Variants in EPHB1 observed in about 807,000 individuals in gnomAD.
EPHB1 encodes EPH receptor B1.
In EPHB1, 30 loss-of-function variants were observed where a neutral mutation model predicts 94.4. The observed-to-expected ratio is 0.32, with a 90% CI of 0.24 to 0.43. The LOEUF (loss-of-function observed/expected upper bound fraction) is 0.43. Among genes scored for constraint, EPHB1 ranks in the 20% least tolerant of loss-of-function variants. The probability of loss-of-function intolerance (pLI) is 1.00; values close to 1 mark genes in which losing one functional copy is unlikely to be tolerated. For missense variants in EPHB1, 1,055 were observed against 1,308.3 expected (o/e 0.81, Z 2.99); for synonymous variants, 522 against 489.1 (o/e 1.07, Z -0.89).
intron 3 of EPHB1, among the ~76,000 whole-genome samples, chr3:134,966,053 G>C (rs756376967): frequency 6.6e-6 from 1 of 152,198 alleles, no homozygotes; most frequent in Non-Finnish European, 1.5e-5. Context: ...GCTGTGTGCT[G>C]TTTGCCAACA....
intron 3 of EPHB1, among the ~76,000 whole-genome samples, chr3:134,989,917 G>A (rs1934736197): frequency 6.6e-6 from 1 of 152,062 alleles, no homozygotes; most frequent in Admixed American, 6.5e-5. Flanking sequence ...GAGGAAGTTG[G>A]TATACTTGAC....
At chr3:135,083,539 A>G (rs1452221987) in intron 3 of EPHB1, among the ~76,000 whole-genome samples, 2 of 151,892 alleles carry the variant, frequency 1.3e-5, no homozygotes, top group East Asian at 3.9e-4. Context: ...GGATGAAGGC[A>G]TTAGGGCAAG....
intron 5 of EPHB1, among the ~76,000 whole-genome samples, chr3:135,134,146 G>C (rs1171649790): frequency 1.3e-5 from 2 of 152,202 alleles, no homozygotes; most frequent in African/African-American, 4.8e-5. Flanking sequence ...ACAGGCAATG[G>C]GGGTCATAGG....
chr3:135,063,626 C>G (rs906118848), intron 3 of EPHB1, among the ~76,000 whole-genome samples: 1 of 152,118 alleles, frequency 6.6e-6, no homozygotes, highest in East Asian at 1.9e-4. Context: ...ATAATTGTAT[C>G]ATCAGCAAAC....
chr3:135,098,009 G>A (rs188392536), intron 3 of EPHB1, among the ~76,000 whole-genome samples: 21 of 152,136 alleles, frequency 1.4e-4, no homozygotes, highest in African/African-American at 3.6e-4. Context: ...CCCTGTGCAC[G>A]AACCACCTCC....
intron 3 of EPHB1, among the ~76,000 whole-genome samples, chr3:134,953,722 A>T (rs899552491): frequency 2.0e-5 from 3 of 152,202 alleles, no homozygotes; most frequent in African/African-American, 7.2e-5. Context: ...GAATGGCAGG[A>T]ACCAGAGCAA....
At chr3:135,188,236 CCTGT>C (rs1942379715) in intron 10 of EPHB1, among the ~76,000 whole-genome samples, 1 of 150,802 alleles carries the variant, frequency 6.6e-6, no homozygotes, top group Non-Finnish European at 1.5e-5. Flanking sequence ...ATGGTTCACA[CCTGT>C]AATCCCAGCA....
At chr3:134,866,407 A>G (rs902064943) in intron 1 of EPHB1, among the ~76,000 whole-genome samples, 1 of 152,088 alleles carries the variant, frequency 6.6e-6, no homozygotes, top group African/African-American at 2.4e-5. Context: ...AGGGTCCAAG[A>G]CTCCAGAAAG....
At chr3:135,200,173 G>A (rs1265970574) in intron 11 of EPHB1, among the ~76,000 whole-genome samples, 1 of 152,206 alleles carries the variant, frequency 6.6e-6, no homozygotes, top group Non-Finnish European at 1.5e-5. Flanking sequence ...GGGAAAATAT[G>A]TTCTTGGCAG....
At chr3:134,857,014 G>T (rs765018157) in intron 1 of EPHB1, among the ~76,000 whole-genome samples, 1 of 152,208 alleles carries the variant, frequency 6.6e-6, no homozygotes, top group South Asian at 2.1e-4. Flanking sequence ...CCTTCCAGAG[G>T]CAGTGTTTAG....
At chr3:135,058,953 A>G (rs1474393209) in intron 3 of EPHB1, among the ~76,000 whole-genome samples, 2 of 152,248 alleles carry the variant, frequency 1.3e-5, no homozygotes, top group South Asian at 2.1e-4. Flanking sequence ...AGAACACTCA[A>G]TGACACCTCA....
rs1325503408 is a variant in EPHB1 at position 135,260,228 on chromosome 3, G to C, written c.*1108G>C. The stretch of plus-strand genomic sequence containing the variant: ...ATCACTGGAATCTGCAATTCAAGAA[G>C]TGACAAGGGAGAATTCTTGCTTTAC... On this transcript the variant is annotated 3_prime_UTR_variant, in exon 16 of 16. Transcript: ENST00000398015. 1 of 233,036 alleles carries C rather than the reference G, an allele frequency of 4.3e-6. No homozygotes were observed. Among genetic ancestry groups the C allele is most frequent in the East Asian group, 6.1e-5 (1 of 16,490 alleles). 14.4% of individuals were successfully genotyped at this position (233,036 alleles called of 1,614,324 possible). A position where few individuals can be genotyped will look rare whatever the true frequency, so the allele number is the denominator to read the frequency against.
chr3:134,850,678 C>T (rs1029274273), intron 1 of EPHB1, among the ~76,000 whole-genome samples: 1 of 152,186 alleles, frequency 6.6e-6, no homozygotes, highest in Non-Finnish European at 1.5e-5. Flanking sequence ...TTCATGCCAG[C>T]CCCAGAAGGC....
chr3:134,882,983 T>C (rs777401871), intron 1 of EPHB1, among the ~76,000 whole-genome samples: 6 of 151,928 alleles, frequency 3.9e-5, no homozygotes, highest in Non-Finnish European at 8.8e-5. Flanking sequence ...CCACCATGTC[T>C]GGCTAATTTT....
chr3:134,878,429 A>G lies in EPHB1; in HGVS notation c.59-47387A>G, dbSNP rs373220177. 4.2e-4 allele frequency among the ~76,000 whole-genome samples: 64 copies of G among 152,304 alleles called. 2 individuals carry two copies. In the South Asian group the frequency reaches 0.013, roughly 30 times the overall value. On this transcript the variant is annotated intron_variant, in intron 1 of 15. Coordinates refer to ENST00000398015, the MANE Select transcript of EPHB1 (RefSeq NM_004441.5). ...CTTTGAATTAGAAACCCTACTGACT[A>G]TTGATAGAGGAGACTGGCTGAAGAG...
At chr3:134,886,070 CAGTTAA>C (rs1388809029) in intron 1 of EPHB1, among the ~76,000 whole-genome samples, 1 of 152,124 alleles carries the variant, frequency 6.6e-6, no homozygotes, top group Non-Finnish European at 1.5e-5. Flanking sequence ...GACTCAGCAG[CAGTTAA>C]AGTTAGTTAC....
At chr3:134,932,987 T>C (rs901659700) in intron 2 of EPHB1, among the ~76,000 whole-genome samples, 1 of 152,206 alleles carries the variant, frequency 6.6e-6, no homozygotes, top group Non-Finnish European at 1.5e-5. Flanking sequence ...GCTATTCTCA[T>C]TCTATGCTTT....
chr3:134,818,637 C>T (rs943194587), intron 1 of EPHB1, among the ~76,000 whole-genome samples: 4 of 152,206 alleles, frequency 2.6e-5, no homozygotes, highest in Admixed American at 2.0e-4. Flanking sequence ...TCCTGAGTTA[C>T]TTCACTTAGA....
chr3:135,038,148 A>G (rs954574566), intron 3 of EPHB1, among the ~76,000 whole-genome samples: 1 of 152,214 alleles, frequency 6.6e-6, no homozygotes, highest in Admixed American at 6.5e-5. Context: ...CCACTGGGGT[A>G]GCCTCCCTAA....
Sources: allele counts gnomAD v4.1 joint callset (sites outside exome capture counted in the v4.1 genomes callset), GRCh38; gene constraint gnomAD v4.1.1; transcripts MANE v1.5; gene names NCBI Gene and HGNC (gene_info 2026-07-23, HGNC 2026-07-21).